TKT: variants seen among roughly 807,000 people sequenced by gnomAD.
TKT encodes transketolase, also known as epididymis luminal protein 107.
A neutral mutation model predicts 63.9 loss-of-function variants in TKT; 47 were observed. The ratio of observed to expected loss-of-function variants is 0.74; its 90% CI spans 0.58 to 0.94. The LOEUF (loss-of-function observed/expected upper bound fraction) is 0.94. TKT is among the 40% of genes least tolerant of loss of function. The pLI is 0.00. For missense variants in TKT, 721 were observed against 846.2 expected (o/e 0.85, Z 1.84); for synonymous variants, 338 against 334.1 (o/e 1.01, Z -0.13).
intron 6 of TKT, chr3:53,232,763 GGGCCCTGCCTGGCTCTGTGTC>G: frequency 2.5e-6 from 1 of 405,786 alleles, no homozygotes; most frequent in Non-Finnish European, 4.3e-6. Flanking sequence ...AGTTCTCTCC[GGGCCCTGCCTGGCTCTGTGTC>G]GGCCCTTCAG....
chr3:53,226,078 CATTG>C, intron 13 of TKT, 147 bp from the exon 14 acceptor site: 1 of 690,472 alleles, frequency 1.4e-6, no homozygotes. Flanking sequence ...TCACATAACT[CATTG>C]ATTTTTTTTA....
intron 1 of TKT, among the ~76,000 whole-genome samples, chr3:53,254,094 T>C (rs1461933942): frequency 2.0e-5 from 3 of 152,242 alleles, no homozygotes; most frequent in African/African-American, 7.2e-5. Flanking sequence ...AGATACCTAC[T>C]TGGCAGCTCA....
At chr3:53,243,837 T>C (rs1344613678) in intron 1 of TKT, among the ~76,000 whole-genome samples, 5 of 152,170 alleles carry the variant, frequency 3.3e-5, no homozygotes, top group Non-Finnish European at 5.9e-5. Context: ...TCTAAAGCCA[T>C]GGTCCCATTA....
Position 53,231,534 on chromosome 3 carries a change from C to A in TKT, c.765G>T (p.Glu255Asp), listed in dbSNP as rs150711727. 4 of 1,613,702 alleles carry A rather than the reference C, an allele frequency of 2.5e-6. No individual in the cohort carries two copies. In the African/African-American group the frequency reaches 5.3e-5, roughly 22 times the overall value. ...GRGITGVEDKESWHGKPLPKN... is the reference protein window; with the variant it reads ...GRGITGVEDKDSWHGKPLPKN... ...TGGGGAGGGGCTTCCCATGCCAAGA[C>A]TCCTTATCTTCTACCCCTGCAGACC... The change falls in exon 7 of 14, where the codon GAG becomes GAT. Residue 255 changes from glutamate to aspartate, a missense_variant. Physicochemically the swap from Glu to Asp is conservative, Grantham distance 45. Transcript: ENST00000462138.
intron 4 of TKT, 78 bp from the exon 5 acceptor site, chr3:53,235,252 G>A (rs1285994486): frequency 2.3e-5 from 31 of 1,348,702 alleles, no homozygotes; most frequent in Admixed American, 2.2e-4. Flanking sequence ...CATCCAAGGA[G>A]CCTGCATTCT....
At chr3:53,226,073 T>A (rs1288700501) in intron 13 of TKT, 142 bp from the exon 14 acceptor site, 10 of 704,136 alleles carry the variant, frequency 1.4e-5, no homozygotes, top group Non-Finnish European at 2.2e-5. Context: ...GCCCATCACA[T>A]AACTCATTGA....
At chr3:53,247,184 C>T (rs567727873) in intron 1 of TKT, among the ~76,000 whole-genome samples, 96 of 151,766 alleles carry the variant, frequency 6.3e-4, no homozygotes, top group Non-Finnish European at 1.1e-3. Context: ...AGGTGAAACC[C>T]CGTCTCTACT....
intron 6 of TKT, chr3:53,232,677 G>A (rs1704821973): frequency 2.5e-6 from 1 of 397,944 alleles, no homozygotes; most frequent in East Asian, 3.6e-5. Context: ...AACCCCCCAA[G>A]GCTCTTGGCC....
At chr3:53,230,427 G>A (rs566710132) in intron 8 of TKT, 30 bp downstream of exon 8, 1 of 1,613,852 alleles carries the variant, frequency 6.2e-7, no homozygotes, top group South Asian at 1.1e-5. Flanking sequence ...AGCCTTGGGT[G>A]GACCTGTCCC....
intron 13 of TKT, 100 bp from the exon 14 acceptor site, chr3:53,226,031 T>C (rs1347860449): frequency 9.4e-6 from 11 of 1,165,430 alleles, no homozygotes; most frequent in Non-Finnish European, 1.3e-5. Flanking sequence ...GGAGGCTGCA[T>C]ATGCACTGCC....
In TKT at chr3:53,255,175, G is replaced by T. The variant is rs542244595; in HGVS notation, c.107+661C>A. ...CCAATCAGCCCCGCCGCTGCCTGGC[G>T]TCTCAGCAGCCCCCTGCTCCAAACT... On this transcript the variant is annotated intron_variant, in intron 1 of 13. Coordinates refer to ENST00000462138, the MANE Select transcript of TKT (RefSeq NM_001064.4). 1.2e-4 allele frequency among the ~76,000 whole-genome samples: 18 copies of T among 152,332 alleles called. No individual in the cohort carries two copies. In the South Asian group the frequency reaches 3.7e-3, roughly 32 times the overall value.
At chr3:53,235,232 C>T in intron 4 of TKT, 58 bp from the exon 5 acceptor site, 2 of 1,302,660 alleles carry the variant, frequency 1.5e-6, no homozygotes, top group Non-Finnish European at 2.0e-6. Flanking sequence ...CTGGCTCCCA[C>T]CCCCCCACCC....
intron 10 of TKT, chr3:53,228,610 T>G (rs1704605729): frequency 5.7e-6 from 3 of 530,046 alleles, no homozygotes; most frequent in Non-Finnish European, 1.0e-5. Context: ...GCAGGTGGGC[T>G]ACTCCCACAG....
chr3:53,235,935 G>A (rs886340902), intron 4 of TKT, among the ~76,000 whole-genome samples: 6 of 152,384 alleles, frequency 3.9e-5, no homozygotes, highest in South Asian at 2.1e-4. Context: ...CAAACAGAAC[G>A]TTCCCGGCCT....
intron 4 of TKT, 48 bp downstream of exon 4, chr3:53,240,203 C>G (rs782591360): frequency 1.3e-6 from 2 of 1,576,868 alleles, no homozygotes; most frequent in South Asian, 2.2e-5. Flanking sequence ...CACCCAAGGA[C>G]CACTCCCCAA....
rs1553675386 is a variant in TKT at position 53,225,927 on chromosome 3, G to T, written c.1701C>A (p.Gly567=). 6.2e-7 allele frequency: 1 copy of T among 1,607,092 alleles called. No homozygotes were observed. The highest frequency in any genetic ancestry group is 8.5e-7 in the Non-Finnish European group (1 of 1,175,958). Residue 567 remains glycine, a synonymous_variant, in exon 14 of 14, where the codon GGC becomes GGA. Transcript: ENST00000462138. ...CTGCACTGGACACAGCCTCACCAATGCCACCTAGAAATGAAAGGAGGGGAG... is the reference window on the plus strand; with the variant it reads ...CTGCACTGGACACAGCCTCACCAATTCCACCTAGAAATGAAAGGAGGGGAG... The part of the protein sequence containing the change: ...LTVEDHYYEG[G]IGEAVSSAVV...
chr3:53,230,667 G>A (rs782639758), intron 7 of TKT, 46 bp from the exon 8 acceptor site: 3 of 1,607,088 alleles, frequency 1.9e-6, no homozygotes, highest in Admixed American at 1.7e-5. Flanking sequence ...CTGAGGGTGA[G>A]TGCACACCTG....
In TKT at chr3:53,229,305, G is replaced by A. The variant is rs150763423; in HGVS notation, c.1239C>T (p.Cys413=). 278 of 1,613,848 alleles carry A rather than the reference G, an allele frequency of 1.7e-4. No individual in the cohort carries two copies. Among genetic ancestry groups the A allele is most frequent in the Non-Finnish European group, 2.1e-4 (253 of 1,179,976 alleles). Residue 413 remains cysteine (C), a synonymous_variant, in exon 9 of 14, where the codon TGC becomes TGT. Coordinates refer to ENST00000462138, the MANE Select transcript of TKT (RefSeq NM_001064.4). ...AAISESNINL[C]GSHCGVSIGE... ...CGATGGAAACGCCGCAGTGGGAGCC[G>A]CAGAGGTTGATGTTGCTCTCGGAGA...
chr3:53,248,182 C>A (rs954573919), intron 1 of TKT, among the ~76,000 whole-genome samples: 1 of 152,184 alleles, frequency 6.6e-6, no homozygotes, highest in Non-Finnish European at 1.5e-5. Context: ...TTAGACTATG[C>A]TTCATTCGGA....
Sources: gnomAD v4.1 joint callset for allele counts (sites outside exome capture counted in the v4.1 genomes callset) on GRCh38, gnomAD v4.1.1 for gene constraint, MANE v1.5 for transcripts, NCBI Gene and HGNC (gene_info 2026-07-23, HGNC 2026-07-21) for gene names.